Variants in ANK3 observed in about 807,000 individuals in gnomAD.
The protein encoded by ANK3 is ankyrin 3.
A neutral mutation model predicts 370.9 loss-of-function variants in ANK3; 57 were observed. That is an observed-to-expected ratio of 0.15 (90% CI 0.12 to 0.19). ANK3 has a LOEUF of 0.19. Among genes scored for constraint, ANK3 ranks in the 10% least tolerant of loss-of-function variants. The pLI is 1.00. For missense variants in ANK3, 4,439 were observed against 5,302.1 expected (o/e 0.84, Z 5.06); for synonymous variants, 1,929 against 1,946.3 (o/e 0.99, Z 0.23).
At chr10:60,430,658 A>G (rs1437167004) in intron 2 of ANK3, among the ~76,000 whole-genome samples, 1 of 152,182 alleles carries the variant, frequency 6.6e-6, no homozygotes, top group Non-Finnish European at 1.5e-5. Context: ...TTTTTACCCC[A>G]GAGAATTTTT....
intron 6 of ANK3, among the ~76,000 whole-genome samples, chr10:60,262,670 C>T (rs2097824499): frequency 6.6e-6 from 1 of 152,220 alleles, no homozygotes; most frequent in South Asian, 2.1e-4. Flanking sequence ...AGCTATCTCA[C>T]TGAGTCTTGT....
chr10:60,656,462 G>A (rs2078865667), intron 1 of ANK3, among the ~76,000 whole-genome samples: 1 of 151,310 alleles, frequency 6.6e-6, no homozygotes, highest in African/African-American at 2.4e-5. Context: ...TCCACTTTTG[G>A]TTTCACTGAT....
At chr10:60,615,242 C>A (rs1334944322) in intron 1 of ANK3, 2 of 1,506,336 alleles carry the variant, frequency 1.3e-6, no homozygotes, top group Non-Finnish European at 1.8e-6. Context: ...AGTAAAGAAA[C>A]AAACATTTAG....
In ANK3 at chr10:60,453,998, C is replaced by T. The variant is rs557261326; in HGVS notation, c.96+161188G>A. Among the ~76,000 whole-genome samples the T allele has an allele frequency of 1.3e-4, 20 of 152,272 alleles. No homozygotes were observed. In the South Asian group the frequency reaches 3.9e-3, roughly 30 times the overall value. Reference sequence around the variant, plus strand: ...AGGTTTCTCAACATTTTAAGTTAAACAATGAATCAAACAGCTGGCATATTT... The same window carrying T: ...AGGTTTCTCAACATTTTAAGTTAAATAATGAATCAAACAGCTGGCATATTT... On this transcript the variant is annotated intron_variant, in intron 2 of 43. Transcript: ENST00000373827.
At chr10:60,583,967 C>T (rs531907336) in intron 2 of ANK3, among the ~76,000 whole-genome samples, 1 of 152,230 alleles carries the variant, frequency 6.6e-6, no homozygotes, top group South Asian at 2.1e-4. Flanking sequence ...TTGATCTTTA[C>T]ACAGTTTACA....
rs555395751 is a variant in ANK3 at position 60,588,588 on chromosome 10, G to A, written c.96+26598C>T. 2.0e-4 allele frequency among the ~76,000 whole-genome samples: 30 copies of A among 151,810 alleles called. No homozygotes were observed. In the East Asian group the frequency reaches 5.5e-3, roughly 28 times the overall value. On this transcript the variant is annotated intron_variant, in intron 2 of 43. Transcript: ENST00000373827. ...GCAACCAGCAAAATCTAAACTGTGA[G>A]AAATTCTAAGAACAAATTACCTAAT...
intron 1 of ANK3, among the ~76,000 whole-genome samples, chr10:60,722,214 CT>C (rs1221816813): frequency 6.6e-6 from 1 of 151,906 alleles, no homozygotes; most frequent in Non-Finnish European, 1.5e-5. Context: ...TTAATTATTG[CT>C]TATGCACCTG....
chr10:60,396,260 T>G (rs1182484688), intron 2 of ANK3, among the ~76,000 whole-genome samples: 2 of 152,208 alleles, frequency 1.3e-5, no homozygotes, highest in African/African-American at 2.4e-5. Context: ...ACAATTGTTT[T>G]TGAACTCTCT....
intron 1 of ANK3, among the ~76,000 whole-genome samples, chr10:60,385,734 A>G (rs903693743): frequency 6.6e-6 from 1 of 152,116 alleles, no homozygotes; most frequent in Non-Finnish European, 1.5e-5. Context: ...AGATCTACCT[A>G]CCTACTTACC....
intron 42 of ANK3, among the ~76,000 whole-genome samples, chr10:60,055,074 AC>A (rs1159530019): frequency 1.3e-5 from 2 of 152,200 alleles, no homozygotes; most frequent in Admixed American, 6.5e-5. Flanking sequence ...ATCATCATCA[AC>A]TTATATAAAT....
intron 1 of ANK3, among the ~76,000 whole-genome samples, chr10:60,648,834 A>T (rs1459294925): frequency 6.9e-6 from 1 of 145,172 alleles, no homozygotes; most frequent in Non-Finnish European, 1.5e-5. Context: ...CACCCCAGAT[A>T]CACCCCTTCC....
At chr10:60,396,651 C>G (rs1473432122) in intron 2 of ANK3, among the ~76,000 whole-genome samples, 1 of 152,088 alleles carries the variant, frequency 6.6e-6, no homozygotes, top group African/African-American at 2.4e-5. Context: ...TCAAATGTAA[C>G]ATTCTATGAA....
Position 60,106,056 on chromosome 10 carries a change from A to T in ANK3, c.3177T>A (p.Pro1059=). ...MGPAGAQFLG[P]VIVEIPHFGS... ...CAAAGTGAGGGATTTCCACTATGAC[A>T]GGGCTGGAAAAAAAATCCACATTAT... The change falls in exon 28 of 44, where the codon CCT becomes CCA. Residue 1059 remains proline (P), a synonymous_variant. Coordinates refer to ENST00000280772, the MANE Select transcript of ANK3 (RefSeq NM_020987.5). 6.2e-7 allele frequency: 1 copy of T among 1,600,634 alleles called. No homozygotes were observed.
intron 18 of ANK3, among the ~76,000 whole-genome samples, chr10:60,173,439 A>C (rs913962969): frequency 2.0e-5 from 3 of 152,228 alleles, no homozygotes; most frequent in African/African-American, 7.2e-5. Context: ...TCTTGTTCTT[A>C]GAACTTTTCA....
chr10:60,113,567 G>A (rs536643479), intron 26 of ANK3, among the ~76,000 whole-genome samples: 3 of 152,174 alleles, frequency 2.0e-5, no homozygotes, highest in Non-Finnish European at 4.4e-5. Context: ...AAAATTATCC[G>A]AGCATGGTGG....
intron 26 of ANK3, among the ~76,000 whole-genome samples, chr10:60,113,971 A>G (rs1456898104): frequency 6.6e-6 from 1 of 152,184 alleles, no homozygotes; most frequent in African/African-American, 2.4e-5. Context: ...TAGAACAGCC[A>G]GGAAAGTTTG....
chr10:60,103,611 CT>C (rs1412110821), intron 28 of ANK3, among the ~76,000 whole-genome samples: 1 of 152,030 alleles, frequency 6.6e-6, no homozygotes, highest in Non-Finnish European at 1.5e-5. Context: ...ATTAACTGAG[CT>C]TCAATTATAA....
chr10:60,389,168 T>G (rs889218940), intron 1 of ANK3, among the ~76,000 whole-genome samples: 1 of 152,134 alleles, frequency 6.6e-6, no homozygotes, highest in East Asian at 1.9e-4. Flanking sequence ...CATGGAAACA[T>G]GCCCATGCCT....
At chr10:60,459,443 C>T (rs1330375263) in intron 2 of ANK3, among the ~76,000 whole-genome samples, 1 of 152,138 alleles carries the variant, frequency 6.6e-6, no homozygotes, top group Non-Finnish European at 1.5e-5. Context: ...GCACTCTGGA[C>T]ATTGTCAGAT....
Sources: allele counts gnomAD v4.1 joint callset (sites outside exome capture counted in the v4.1 genomes callset), GRCh38; gene constraint gnomAD v4.1.1; transcripts MANE v1.5; gene names NCBI Gene and HGNC (gene_info 2026-07-23, HGNC 2026-07-21).